The following TAS2R1 variants were observed in gnomAD, a reference collection of about 807,000 sequenced individuals.
TAS2R1 encodes taste receptor type 2 member 1.
For synonymous variants in TAS2R1, 141 were observed against 134.2 expected (o/e 1.05, Z -0.35); for missense variants, 370 against 353.4 (o/e 1.05, Z -0.38).
the TAS2R1 span, among the ~76,000 whole-genome samples, chr5:9,766,394 A>G: frequency 3.3e-5 from 5 of 152,240 alleles, no homozygotes; most frequent in African/African-American, 1.2e-4. Context: ...ACTAAAACAG[A>G]CTTCAGGCCC....
At position 9,629,491 on chromosome 5, in the gene TAS2R1, G is replaced by C; in HGVS notation, c.542C>G (p.Ala181Gly). ...TLAIQIFSFV[A>G]EFSVPLLIFL... ...GATAAGCAATGGCACTGAGAACTCA[G>C]CAACAAAAGAGAAAATCTGTATAGC... is the stretch of plus-strand genomic sequence containing the variant. The change falls in exon 1 of 1, where the codon GCT becomes GGT. Residue 181 changes from alanine (A) to glycine (G), a missense_variant. Transcript: ENST00000382492. 6.2e-7 allele frequency: 1 copy of C among 1,614,160 alleles called. No homozygotes were observed. The highest frequency in any genetic ancestry group is 8.5e-7 in the Non-Finnish European group (1 of 1,180,032).
rs562478455 is a variant in TAS2R1, at chr5:9,675,685, G to T, written c.-241-16104C>A. ...CCACCTAGATCTCCCAAAGTGCTGG[G>T]ATTACAGGCATGAGCCACCATGCCC... On this transcript the variant is annotated intron_variant, in intron 1 of 2. Transcript: ENST00000506620. Among the ~76,000 whole-genome samples, 301 of 152,182 alleles carry T rather than the reference G, an allele frequency of 2.0e-3. 2 individuals carry two copies. The highest frequency in any genetic ancestry group is 6.6e-3 in the African/African-American group (275 of 41,534).
chr5:9,668,563 T>C (rs995370331), intron 1 of TAS2R1, among the ~76,000 whole-genome samples: 3 of 152,144 alleles, frequency 2.0e-5, no homozygotes, highest in Non-Finnish European at 4.4e-5. Context: ...AGCAGACCTT[T>C]CAGCAGAAGC....
chr5:9,840,036 A>C, the TAS2R1 span, among the ~76,000 whole-genome samples: 2 of 152,288 alleles, frequency 1.3e-5, no homozygotes, highest in South Asian at 2.1e-4. Context: ...TTGTGATTAC[A>C]AGCAAATGAG....
chr5:9,681,724 G>A (rs1741000188), intron 1 of TAS2R1, among the ~76,000 whole-genome samples: 1 of 151,996 alleles, frequency 6.6e-6, no homozygotes, highest in South Asian at 2.1e-4. Flanking sequence ...TCTTCTCTGT[G>A]CAATTTGGCA....
intron 1 of TAS2R1, among the ~76,000 whole-genome samples, chr5:9,679,199 C>T (rs1740946855): frequency 6.6e-6 from 1 of 152,012 alleles, no homozygotes; most frequent in Non-Finnish European, 1.5e-5. Flanking sequence ...TGTCAGGGGA[C>T]AGGGGGAAAG....
the TAS2R1 span, among the ~76,000 whole-genome samples, chr5:9,843,432 A>G: frequency 6.6e-6 from 1 of 152,186 alleles, no homozygotes; most frequent in Non-Finnish European, 1.5e-5. Context: ...TCTTACCTAC[A>G]GTATAGAATA....
the TAS2R1 span, among the ~76,000 whole-genome samples, chr5:9,727,044 TA>T: frequency 3.9e-5 from 6 of 152,186 alleles, no homozygotes; most frequent in African/African-American, 1.2e-4. Context: ...CATTTCATAT[TA>T]GTAGTACAAG....
the TAS2R1 span, among the ~76,000 whole-genome samples, chr5:9,873,344 C>T: frequency 6.6e-6 from 1 of 151,974 alleles, no homozygotes; most frequent in African/African-American, 2.4e-5. Flanking sequence ...GGTCTGATTT[C>T]TCCTGGCCCC....
chr5:9,773,609 T>C, the TAS2R1 span, among the ~76,000 whole-genome samples: 2 of 152,220 alleles, frequency 1.3e-5, no homozygotes, highest in Non-Finnish European at 2.9e-5. Flanking sequence ...ACAGGTCTGG[T>C]GTTGATGAAA....
the TAS2R1 span, among the ~76,000 whole-genome samples, chr5:9,721,778 T>C: frequency 6.6e-6 from 1 of 152,248 alleles, no homozygotes; most frequent in African/African-American, 2.4e-5. Flanking sequence ...TGAGTATTAT[T>C]TATGAAATAG....
upstream of TAS2R1, among the ~76,000 whole-genome samples, chr5:9,634,823 T>C (rs564543238): frequency 2.0e-5 from 3 of 152,272 alleles, no homozygotes; most frequent in South Asian, 4.1e-4. Context: ...TGAATTCATT[T>C]ATCTGATCTA....
At chr5:9,796,721 G>GAAAAA in the TAS2R1 span, among the ~76,000 whole-genome samples, 16 of 99,716 alleles carry the variant, frequency 1.6e-4, no homozygotes, top group Non-Finnish European at 3.0e-4. Flanking sequence ...CTATTTTCTG[G>GAAAAA]AAAAAAAAAA....
chr5:9,673,782 A>G (rs1490108972), intron 1 of TAS2R1, among the ~76,000 whole-genome samples: 1 of 152,104 alleles, frequency 6.6e-6, no homozygotes, highest in Non-Finnish European at 1.5e-5. Context: ...CTGTGCACAA[A>G]CGAAATTCTT....
At chr5:9,732,055 A>G in the TAS2R1 span, among the ~76,000 whole-genome samples, 1 of 152,234 alleles carries the variant, frequency 6.6e-6, no homozygotes, top group Non-Finnish European at 1.5e-5. Flanking sequence ...TTTAAAAATA[A>G]GGACTGCTAT....
chr5:9,695,502 G>A (rs1215241654), intron 1 of TAS2R1, among the ~76,000 whole-genome samples: 6 of 151,778 alleles, frequency 4.0e-5, no homozygotes, highest in Non-Finnish European at 8.8e-5. Flanking sequence ...GAAAGGGTGA[G>A]GCAAGATGGG....
At chr5:9,865,813 T>C in the TAS2R1 span, among the ~76,000 whole-genome samples, 1 of 152,256 alleles carries the variant, frequency 6.6e-6, no homozygotes, top group East Asian at 1.9e-4. Flanking sequence ...TCAACACTTC[T>C]GGCTCCTTTC....
At chr5:9,883,521 C>CA in the TAS2R1 span, among the ~76,000 whole-genome samples, 1 of 152,026 alleles carries the variant, frequency 6.6e-6, no homozygotes, top group African/African-American at 2.4e-5. Context: ...AATTTGGTAA[C>CA]AGTTATTGGA....
the TAS2R1 span, among the ~76,000 whole-genome samples, chr5:9,763,272 A>C: frequency 2.0e-5 from 3 of 152,214 alleles, no homozygotes; most frequent in African/African-American, 7.2e-5. Context: ...TGGGAGGCCG[A>C]GGCGGGTGGA....
Sources: allele counts gnomAD v4.1 joint callset (sites outside exome capture counted in the v4.1 genomes callset), GRCh38; gene constraint gnomAD v4.1.1; transcripts MANE v1.5; gene names NCBI Gene and HGNC (gene_info 2026-07-23, HGNC 2026-07-21).